The following NTM variants were observed in gnomAD, a reference collection of about 807,000 sequenced individuals.
NTM encodes the protein IgLON family member 2.
NTM carries 13 observed loss-of-function variants against 42.1 expected under a neutral mutation model. That is an observed-to-expected ratio of 0.31 (90% CI 0.20 to 0.49). The LOEUF is 0.49. Ranked by LOEUF, NTM falls within the 20% of genes least tolerant of loss-of-function variation. The probability of loss-of-function intolerance (pLI) is 0.99; values close to 1 mark genes in which losing one functional copy is unlikely to be tolerated. For synonymous variants in NTM, 187 were observed against 179.2 expected, an observed-to-expected ratio of 1.04 and a Z score of -0.35; for missense variants, 373 against 452.8, an observed-to-expected ratio of 0.82 and a Z score of 1.60.
At chr11:131,428,507 C>G (rs1340701007) in intron 1 of NTM, among the ~76,000 whole-genome samples, 1 of 152,148 alleles carries the variant, frequency 6.6e-6, no homozygotes, top group East Asian at 1.9e-4. Flanking sequence ...TGCATGCCCT[C>G]TCTATTCTCC....
intron 1 of NTM, chr11:131,660,188 G>T: frequency 1.2e-5 from 3 of 255,580 alleles, no homozygotes; most frequent in Middle Eastern, 4.6e-4. Context: ...CGTAGGACTC[G>T]GGTGGGCCAG....
chr11:131,528,555 G>A (rs2050812625), intron 1 of NTM, among the ~76,000 whole-genome samples: 1 of 152,162 alleles, frequency 6.6e-6, no homozygotes, highest in South Asian at 2.1e-4. Context: ...AGCTATCCCG[G>A]TGCCCATGAT....
chr11:132,273,614 A>C (rs2093594469), intron 4 of NTM, among the ~76,000 whole-genome samples: 1 of 152,104 alleles, frequency 6.6e-6, no homozygotes, highest in African/African-American at 2.4e-5. Flanking sequence ...TGATTTTTAA[A>C]ATATCTCCTT....
At chr11:132,257,566 G>T (rs1251240984) in intron 4 of NTM, among the ~76,000 whole-genome samples, 1 of 152,144 alleles carries the variant, frequency 6.6e-6, no homozygotes, top group African/African-American at 2.4e-5. Flanking sequence ...AACTCCTGAA[G>T]AAGCCAGCAT....
At chr11:131,833,893 T>C (rs2043142364) in intron 1 of NTM, among the ~76,000 whole-genome samples, 1 of 152,178 alleles carries the variant, frequency 6.6e-6, no homozygotes, top group African/African-American at 2.4e-5. Context: ...AAGACAGAAA[T>C]CTTCATTTCG....
rs143094353 is a variant in NTM at position 131,443,540 on chromosome 11, G to A, written c.82+72652G>A. ...GCCCAAGGCTGGAAATATATGCATC[G>A]AGCCATCAGTGCACAGGTGGTGTGG... On this transcript the variant is annotated intron_variant, in intron 1 of 8. Coordinates refer to ENST00000683400, the MANE Select transcript of NTM (RefSeq NM_001352005.2). Among the ~76,000 whole-genome samples, 102 of 152,270 alleles carry A rather than the reference G, an allele frequency of 6.7e-4. 1 individual carries two copies. The highest frequency in any genetic ancestry group is 2.3e-3 in the African/African-American group (95 of 41,562).
At chr11:131,402,149 C>A (rs964324205) in intron 1 of NTM, among the ~76,000 whole-genome samples, 1 of 151,656 alleles carries the variant, frequency 6.6e-6, no homozygotes, top group East Asian at 1.9e-4. Flanking sequence ...CTTCACAGAG[C>A]CCTAAGCATA....
chr11:132,033,272 A>G (rs1565990427), intron 2 of NTM, among the ~76,000 whole-genome samples: 1 of 152,294 alleles, frequency 6.6e-6, no homozygotes, highest in East Asian at 1.9e-4. Flanking sequence ...TTTTCAGGCA[A>G]TGTAAGGTTT....
intron 4 of NTM, among the ~76,000 whole-genome samples, chr11:132,250,799 T>A (rs1176937009): frequency 1.3e-5 from 2 of 152,210 alleles, no homozygotes; most frequent in African/African-American, 2.4e-5. Context: ...CATTTCTTTA[T>A]ATAAAGATAT....
intron 3 of NTM, among the ~76,000 whole-genome samples, chr11:132,194,358 A>T (rs371054800): frequency 6.6e-6 from 1 of 151,172 alleles, no homozygotes; most frequent in Non-Finnish European, 1.5e-5. Flanking sequence ...ATTAAAAAAA[A>T]CAAAATAACA....
At chr11:131,503,854 G>A (rs191449283) in intron 1 of NTM, among the ~76,000 whole-genome samples, 102 of 152,302 alleles carry the variant, frequency 6.7e-4, no homozygotes, top group East Asian at 2.1e-3. Context: ...GGTTGTGCGT[G>A]TTTCTTTAAT....
At chr11:132,310,049 TC>T in intron 5 of NTM, 62 bp from the exon 6 acceptor site, 6 of 1,446,082 alleles carry the variant, frequency 4.1e-6, no homozygotes, top group Non-Finnish European at 5.4e-6. Context: ...AGAGCAAGAC[TC>T]CATCTCAAAA....
chr11:132,030,463 T>G (rs1463783510), intron 2 of NTM, among the ~76,000 whole-genome samples: 1 of 152,180 alleles, frequency 6.6e-6, no homozygotes, highest in Non-Finnish European at 1.5e-5. Context: ...GCCTATAGGC[T>G]AAAAAGTAAA....
intron 2 of NTM, among the ~76,000 whole-genome samples, chr11:132,020,007 C>G (rs1383615235): frequency 6.6e-6 from 1 of 151,902 alleles, no homozygotes; most frequent in Non-Finnish European, 1.5e-5. Flanking sequence ...TCCTTATATT[C>G]CCCCATGTCT....
intron 1 of NTM, among the ~76,000 whole-genome samples, chr11:131,697,667 C>G (rs2075612118): frequency 6.6e-6 from 1 of 152,098 alleles, no homozygotes; most frequent in African/African-American, 2.4e-5. Context: ...TTTTTATTTT[C>G]AAAACTCTAT....
chr11:132,134,727 A>C (rs1348754321), intron 2 of NTM, among the ~76,000 whole-genome samples: 2 of 69,120 alleles, frequency 2.9e-5, no homozygotes, highest in South Asian at 4.5e-4. Context: ...ATATATATAT[A>C]TATATATATA....
At chr11:131,807,443 G>A (rs2092556370) in intron 1 of NTM, among the ~76,000 whole-genome samples, 1 of 152,188 alleles carries the variant, frequency 6.6e-6, no homozygotes, top group African/African-American at 2.4e-5. Flanking sequence ...ACAGCAAATA[G>A]GAGAAACATT....
chr11:131,754,760 A>G, intron 1 of NTM, among the ~76,000 whole-genome samples: 1 of 152,258 alleles, frequency 6.6e-6, no homozygotes, highest in East Asian at 1.9e-4. Flanking sequence ...CTTTATTTAT[A>G]TTAGCCAAAT....
intron 1 of NTM, among the ~76,000 whole-genome samples, chr11:131,571,615 A>G (rs974142189): frequency 6.6e-6 from 1 of 152,204 alleles, no homozygotes; most frequent in African/African-American, 2.4e-5. Context: ...ACCACAGTCA[A>G]AGAAGAATGC....
Sources: allele counts gnomAD v4.1 joint callset (sites outside exome capture counted in the v4.1 genomes callset), GRCh38; gene constraint gnomAD v4.1.1; transcripts MANE v1.5; gene names NCBI Gene and HGNC (gene_info 2026-07-23, HGNC 2026-07-21).